NPDC1: variants seen among roughly 807,000 people sequenced by gnomAD.
NPDC1 encodes neural proliferation differentiation and control protein 1.
In NPDC1, 18 loss-of-function variants were observed where a neutral mutation model predicts 32.5. The ratio of observed to expected loss-of-function variants is 0.55; its 90% CI spans 0.38 to 0.82. NPDC1 has a LOEUF of 0.82. NPDC1 is among the 40% of genes least tolerant of loss of function. NPDC1 has a pLI of 0.00. For missense variants in NPDC1, 468 were observed against 406.6 expected, an observed-to-expected ratio of 1.15 and a Z score of -1.30; for synonymous variants, 210 against 184.7, an observed-to-expected ratio of 1.14 and a Z score of -1.11.
At chr9:137,042,705 G>A (rs1159748810) in intron 2 of NPDC1, among the ~76,000 whole-genome samples, 2 of 152,088 alleles carry the variant, frequency 1.3e-5, no homozygotes, top group East Asian at 3.9e-4. Flanking sequence ...GACTACAGGT[G>A]TGTGCCACCA....
intron 1 of NPDC1, 37 bp from the exon 2 acceptor site, chr9:137,043,110 C>T (rs922995693): frequency 6.2e-7 from 1 of 1,606,708 alleles, no homozygotes; most frequent in African/African-American, 1.3e-5. Context: ...GGCTCACGGC[C>T]CCGCAGGGCT....
chr9:137,042,725 A>C, intron 2 of NPDC1: 2 of 570,264 alleles, frequency 3.5e-6, no homozygotes, highest in Non-Finnish European at 3.1e-6. Context: ...ACACCCGGCT[A>C]CTTTGTATTT....
In NPDC1 at chr9:137,039,635, G is replaced by C; in HGVS notation, c.*137C>G. On this transcript the variant is annotated 3_prime_UTR_variant, in exon 9 of 9. Coordinates refer to ENST00000371601, the MANE Select transcript of NPDC1 (RefSeq NM_015392.4). The stretch of plus-strand genomic sequence containing the variant: ...AGGTTCGGGGGTCTCCCTGGCAAGG[G>C]GTCCCAGGGCCTGGAGCCCGAGGCC... 1 of 593,240 alleles carries C rather than the reference G, an allele frequency of 1.7e-6. No homozygotes were observed. The highest frequency in any genetic ancestry group is 3.0e-6 in the Non-Finnish European group (1 of 332,760). 36.7% of individuals were successfully genotyped at this position (593,240 alleles called of 1,614,324 possible). A position where few individuals can be genotyped will look rare whatever the true frequency, so the allele number is the denominator to read the frequency against.
Position 137,046,153 on chromosome 9 carries a change from G to A in NPDC1, c.-164C>T, listed in dbSNP as rs1040142692. The A allele has an allele frequency of 5.5e-6, 6 of 1,099,568 alleles. No homozygotes were observed. The highest frequency in any genetic ancestry group is 3.3e-5 in the African/African-American group (2 of 59,914). The allele number at this position is 1,099,568 out of a possible 1,614,324, so 68.1% of individuals were successfully genotyped here. ...GAGGAAGAGGAAAGGCACGGGCGGC[G>A]GCGCTGACGCTGCAGCAAGGATCCG... is the stretch of plus-strand genomic sequence containing the variant. On this transcript the variant is annotated 5_prime_UTR_variant, in exon 1 of 9. Transcript: ENST00000371601.
At chr9:137,044,461 G>T (rs899762431) in intron 1 of NPDC1, among the ~76,000 whole-genome samples, 9 of 152,204 alleles carry the variant, frequency 5.9e-5, no homozygotes, top group Non-Finnish European at 1.0e-4. Context: ...GAGGTACAAA[G>T]CTGGCTCTAG....
Position 137,045,931 on chromosome 9 carries a change from A to AGCAGCAGCC in NPDC1, c.50_58dup (p.Arg17_Leu19dup), listed in dbSNP as rs961155076. 100 of 1,180,242 alleles carry AGCAGCAGCC rather than the reference A, an allele frequency of 8.5e-5. No individual in the cohort carries two copies. The highest frequency in any genetic ancestry group is 9.5e-5 in the Non-Finnish European group (91 of 955,188). 73.1% of individuals were successfully genotyped at this position (1,180,242 alleles called of 1,614,324 possible). ...GGCGGCGCCGAGGACGAGGCCGGAG[A>AGCAGCAGCC]GCAGCAGCCGCAGCAGCCGCAGGTG... On this transcript the variant is annotated inframe_insertion, in exon 1 of 9. Transcript: ENST00000371601.
intron 2 of NPDC1, among the ~76,000 whole-genome samples, chr9:137,042,346 C>T (rs1480403676): frequency 3.3e-5 from 5 of 151,956 alleles, no homozygotes; most frequent in East Asian, 1.9e-4. Context: ...CTCTGCCTCC[C>T]GGGTTCACGC....
chr9:137,042,478 C>T (rs1006490036), intron 2 of NPDC1, among the ~76,000 whole-genome samples: 13 of 151,692 alleles, frequency 8.6e-5, no homozygotes, highest in African/African-American at 2.4e-4. Context: ...AGGATGGTCT[C>T]GATCTCCTGA....
chr9:137,043,513 C>A, intron 1 of NPDC1: 1 of 609,172 alleles, frequency 1.6e-6, no homozygotes, highest in Non-Finnish European at 3.0e-6. Flanking sequence ...ATGCCGCCAG[C>A]GACCTCTCCT....
intron 1 of NPDC1, chr9:137,043,402 A>T (rs1435045777): frequency 8.7e-6 from 6 of 691,248 alleles, no homozygotes; most frequent in Middle Eastern, 2.4e-4. Context: ...CCACAAGCCC[A>T]GCCTCCGGCC....
chr9:137,045,921 G>T lies in NPDC1; in HGVS notation c.69C>A (p.Leu23=), dbSNP rs13302702. The change falls in exon 1 of 9, where the codon CTC becomes CTA. Residue 23 remains leucine, a synonymous_variant. Transcript: ENST00000371601. ...CTCCACGCAGGGCGGCGCCGAGGAC[G>T]AGGCCGGAGAGCAGCAGCCGCAGCA... is the stretch of plus-strand genomic sequence containing the variant. ...LRLLRLLLSG[L]VLGAALRGAA... is the part of the protein sequence containing the mutation. The T allele has an allele frequency of 8.6e-7, 1 of 1,169,258 alleles. No individual in the cohort carries two copies. Among genetic ancestry groups the T allele is most frequent in the Non-Finnish European group, 1.1e-6 (1 of 948,052 alleles). The allele number at this position is 1,169,258 out of a possible 1,614,324, so 72.4% of individuals were successfully genotyped here.
intron 1 of NPDC1, among the ~76,000 whole-genome samples, chr9:137,044,881 GC>G (rs1298846237): frequency 6.6e-6 from 1 of 152,256 alleles, no homozygotes; most frequent in Non-Finnish European, 1.5e-5. Flanking sequence ...GGGGCACTGA[GC>G]CCAGGAGGAA....
At chr9:137,042,461 G>A (rs561281131) in intron 2 of NPDC1, among the ~76,000 whole-genome samples, 2 of 151,914 alleles carry the variant, frequency 1.3e-5, no homozygotes, top group South Asian at 2.1e-4. Context: ...GTTTCACCGT[G>A]TTAGCCAGGA....
chr9:137,040,499 A>G lies in NPDC1; in HGVS notation c.708+15T>C. On this transcript the variant is annotated intron_variant, in intron 6 of 8. Transcript: ENST00000371601. ...GAGTTGGGCGGGAGCCTCAGGGCTG[A>G]AGGGGGCCACACACCGAGATCCGGG... 1 of 1,586,708 alleles carries G rather than the reference A, an allele frequency of 6.3e-7. No individual in the cohort carries two copies. The highest frequency in any genetic ancestry group is 1.1e-5 in the South Asian group (1 of 87,400).
intron 1 of NPDC1, among the ~76,000 whole-genome samples, chr9:137,044,804 C>T (rs765821181): frequency 6.6e-6 from 1 of 152,244 alleles, no homozygotes; most frequent in Non-Finnish European, 1.5e-5. Flanking sequence ...AGGTGGCCTC[C>T]GCCTTTCCTG....
intron 1 of NPDC1, among the ~76,000 whole-genome samples, chr9:137,045,620 C>A (rs1832119279): frequency 1.3e-5 from 2 of 152,234 alleles, no homozygotes. Context: ...GCGGAAGAAG[C>A]CATGAATGTA....
In NPDC1 at chr9:137,040,113, C is replaced by G. The variant is rs541291872; in HGVS notation, c.789-46G>C. 6.7e-5 allele frequency: 51 copies of G among 756,788 alleles called. No homozygotes were observed. The East Asian group carries it at 1.1e-3, about 16-fold the overall frequency. 46.9% of individuals were successfully genotyped at this position (756,788 alleles called of 1,614,324 possible). ...GGGTCCTCCCCATGCCCTCGAGGTGCCAGTGGCCCAGTCTGGAAGTGGGCA... is the reference window on the plus strand; with the variant it reads ...GGGTCCTCCCCATGCCCTCGAGGTGGCAGTGGCCCAGTCTGGAAGTGGGCA... On this transcript the variant is annotated intron_variant, in intron 7 of 8. Coordinates refer to ENST00000371601, the MANE Select transcript of NPDC1 (RefSeq NM_015392.4).
rs763285293 is a variant in NPDC1 at position 137,040,703 on chromosome 9, G to A, written c.591C>T (p.Ala197=). Reference sequence around the variant, plus strand: ...AGCAGAGGGAGGCTACGGAGAGGGCGGCTGCACCGGCCACACAGAACGCCA... The same window carrying A: ...AGCAGAGGGAGGCTACGGAGAGGGCAGCTGCACCGGCCACACAGAACGCCA... ...LILAFCVAGA[A]ALSVASLCWC... is the part of the protein sequence containing the mutation. Residue 197 remains alanine (A), a synonymous_variant, in exon 5 of 9, where the codon GCC becomes GCT. Transcript: ENST00000371601. 6.9e-6 allele frequency: 11 copies of A among 1,587,282 alleles called. No individual in the cohort carries two copies. The highest frequency in any genetic ancestry group is 2.3e-5 in the East Asian group (1 of 44,168).
chr9:137,044,946 G>A (rs1422277597), intron 1 of NPDC1, among the ~76,000 whole-genome samples: 1 of 152,244 alleles, frequency 6.6e-6, no homozygotes, highest in Non-Finnish European at 1.5e-5. Flanking sequence ...GGCTGCCCAG[G>A]ACAGCGCCTC....
Sources: allele counts gnomAD v4.1 joint callset (sites outside exome capture counted in the v4.1 genomes callset), GRCh38; gene constraint gnomAD v4.1.1; transcripts MANE v1.5; gene names NCBI Gene and HGNC (gene_info 2026-07-23, HGNC 2026-07-21).